FKTN: variants seen among roughly 807,000 people sequenced by gnomAD.
FKTN encodes the protein fukutin, also known as ribitol-5-phosphate transferase FKTN.
Under a neutral mutation model 58.6 loss-of-function variants are expected in FKTN, and 47 were observed. The observed-to-expected ratio is 0.80, with a 90% CI of 0.63 to 1.02. The LOEUF is 1.02. FKTN is among the 50% of genes least tolerant of loss of function. The probability of loss-of-function intolerance (pLI) is 0.00; values close to 1 mark genes in which losing one functional copy is unlikely to be tolerated. For missense variants in FKTN, 516 were observed against 537.3 expected (o/e 0.96, Z 0.39); for synonymous variants, 178 against 191.9 (o/e 0.93, Z 0.60).
intron 6 of FKTN, 79 bp from the exon 7 acceptor site, chr9:105,607,740 C>G: frequency 1.6e-6 from 2 of 1,257,374 alleles, no homozygotes; most frequent in Non-Finnish European, 2.3e-6. Context: ...AAGCTCTGCA[C>G]GCATTAGGTA....
At chr9:105,634,933 C>T in intron 10 of FKTN, 118 bp from the exon 11 acceptor site, 1 of 838,426 alleles carries the variant, frequency 1.2e-6, no homozygotes, top group Admixed American at 1.8e-5. Flanking sequence ...TATCCACTCT[C>T]TTCCCAAAGC....
chr9:105,575,004 A>G lies in FKTN; in HGVS notation c.-29A>G, dbSNP rs772280499. 1 of 1,231,926 alleles carries G rather than the reference A, an allele frequency of 8.1e-7. No individual in the cohort carries two copies. 76.3% of individuals were successfully genotyped at this position (1,231,926 alleles called of 1,614,324 possible). ...GATGAAAACGACTGAGATACTTTCA[A>G]AAGACAACCAAGTGAGCAGCACAGA... is the stretch of plus-strand genomic sequence containing the variant. On this transcript the variant is annotated 5_prime_UTR_variant, in exon 3 of 11. Transcript: ENST00000357998.
rs903583396 is a variant in FKTN, at chr9:105,615,526, T to C, written c.910+119T>C. The C allele has an allele frequency of 4.1e-5, 37 of 913,242 alleles. 1 individual carries two copies. In the South Asian group the frequency reaches 4.6e-4, roughly 11 times the overall value. 56.6% of individuals were successfully genotyped at this position (913,242 alleles called of 1,614,324 possible). A position where few individuals can be genotyped will look rare whatever the true frequency, so the allele number is the denominator to read the frequency against. On this transcript the variant is annotated intron_variant, in intron 8 of 10. Coordinates refer to ENST00000357998, the MANE Select transcript of FKTN (RefSeq NM_001079802.2). ...TGAAGTGTCATGTGTATAGACAGAA[T>C]AAACATGAGTGCATGCAGCAAGGAT...
chr9:105,627,200 G>A (rs1236288891), intron 10 of FKTN, among the ~76,000 whole-genome samples: 3 of 152,036 alleles, frequency 2.0e-5, no homozygotes, highest in Admixed American at 1.3e-4. Flanking sequence ...TCAAACCCCT[G>A]ACCTCAAGTA....
Position 105,636,225 on chromosome 9 carries a change from A to G in FKTN, c.*961A>G. The stretch of plus-strand genomic sequence containing the variant: ...AATATTAATAGAATTTTTTAAATAT[A>G]CTCTAATTTTTAAAACATACTCTTT... On this transcript the variant is annotated 3_prime_UTR_variant, in exon 11 of 11. Transcript: ENST00000357998. 1.2e-6 allele frequency: 1 copy of G among 869,388 alleles called. No individual in the cohort carries two copies. The highest frequency in any genetic ancestry group is 1.8e-5 in the African/African-American group (1 of 55,088). The allele number at this position is 869,388 out of a possible 1,614,324, so 53.9% of individuals were successfully genotyped here.
intron 7 of FKTN, among the ~76,000 whole-genome samples, chr9:105,608,952 A>G (rs1829408686): frequency 6.6e-6 from 1 of 152,118 alleles, no homozygotes. Context: ...TTTGTGCTTA[A>G]ACTTGACCGC....
intron 3 of FKTN, among the ~76,000 whole-genome samples, chr9:105,592,029 G>A (rs184988218): frequency 5.4e-4 from 82 of 152,344 alleles, no homozygotes; most frequent in Admixed American, 4.4e-3. Flanking sequence ...GGCACTGGGC[G>A]TAGCCCACCA....
chr9:105,563,598 T>C (rs868694844), intron 1 of FKTN, among the ~76,000 whole-genome samples: 1 of 139,410 alleles, frequency 7.2e-6, no homozygotes, highest in Non-Finnish European at 1.6e-5. Context: ...GCAGCGAGGC[T>C]GGGGGGGGGG....
rs1834200692 is a variant in FKTN at position 105,638,451 on chromosome 9, C to T, written c.*3187C>T. 24 of 985,394 alleles carry T rather than the reference C, an allele frequency of 2.4e-5. No individual in the cohort carries two copies. The highest frequency in any genetic ancestry group is 2.9e-5 in the Non-Finnish European group (24 of 829,928). The allele number at this position is 985,394 out of a possible 1,614,324, so 61.0% of individuals were successfully genotyped here. A position where few individuals can be genotyped will look rare whatever the true frequency, so the allele number is the denominator to read the frequency against. On this transcript the variant is annotated 3_prime_UTR_variant, in exon 11 of 11. Coordinates refer to ENST00000357998, the MANE Select transcript of FKTN (RefSeq NM_001079802.2). The stretch of plus-strand genomic sequence containing the variant: ...ACAGTTCACATCTGGAGACATCAGC[C>T]TTTGGTACCTAATTCTCTAAGCTCA...
chr9:105,591,601 A>G (rs1482120279), intron 3 of FKTN, among the ~76,000 whole-genome samples: 1 of 152,138 alleles, frequency 6.6e-6, no homozygotes, highest in South Asian at 2.1e-4. Context: ...AACTGCTCTC[A>G]TGGGCTGACA....
At chr9:105,566,493 A>C (rs1002027505) in intron 1 of FKTN, among the ~76,000 whole-genome samples, 8 of 152,248 alleles carry the variant, frequency 5.3e-5, no homozygotes, top group Admixed American at 4.6e-4. Flanking sequence ...ACCGAAATAC[A>C]AACTACCATC....
intron 3 of FKTN, among the ~76,000 whole-genome samples, chr9:105,590,075 C>G (rs1335908512): frequency 1.3e-5 from 2 of 152,146 alleles, no homozygotes; most frequent in Non-Finnish European, 2.9e-5. Flanking sequence ...AGCCTGGCCA[C>G]TTTGATGAGA....
chr9:105,635,516 CT>C lies in FKTN; in HGVS notation c.*256del, dbSNP rs1477130414. 8 of 1,361,028 alleles carry C rather than the reference CT, an allele frequency of 5.9e-6. No homozygotes were observed. The African/African-American group carries it at 1.2e-4, about 20-fold the overall frequency. The allele number at this position is 1,361,028 out of a possible 1,614,324, so 84.3% of individuals were successfully genotyped here. ...CAAATACCTACTTCTTTTATTCCTCCTTTTGGTAAACAACTCAATTTTCCTT... is the reference window on the plus strand; with the variant it reads ...CAAATACCTACTTCTTTTATTCCTCCTTTGGTAAACAACTCAATTTTCCTT... On this transcript the variant is annotated 3_prime_UTR_variant, in exon 11 of 11. Coordinates refer to ENST00000357998, the MANE Select transcript of FKTN (RefSeq NM_001079802.2).
chr9:105,639,954 C>T lies in FKTN; in HGVS notation c.*4690C>T. 1 of 1,483,236 alleles carries T rather than the reference C, an allele frequency of 6.7e-7. No individual in the cohort carries two copies. Among genetic ancestry groups the T allele is most frequent in the Non-Finnish European group, 8.9e-7 (1 of 1,120,836 alleles). 91.9% of individuals were successfully genotyped at this position (1,483,236 alleles called of 1,614,324 possible). A position where few individuals can be genotyped will look rare whatever the true frequency, so the allele number is the denominator to read the frequency against. ...CTTGTTAGTGAAATTAGATATAAGC[C>T]ATGATTTGGAGAGGGAAGAAATCTG... On this transcript the variant is annotated 3_prime_UTR_variant, in exon 11 of 11. Coordinates refer to ENST00000357998, the MANE Select transcript of FKTN (RefSeq NM_001079802.2).
intron 4 of FKTN, chr9:105,598,148 G>A (rs953981025): frequency 2.4e-5 from 11 of 468,040 alleles, no homozygotes; most frequent in Admixed American, 4.7e-5. Flanking sequence ...TCCACGGTAC[G>A]CAAGCAAAAA....
chr9:105,609,069 C>A (rs1297406647), intron 7 of FKTN, among the ~76,000 whole-genome samples: 6 of 152,168 alleles, frequency 3.9e-5, no homozygotes, highest in African/African-American at 1.4e-4. Flanking sequence ...TTATGAACTT[C>A]TTGATAACAG....
intron 3 of FKTN, among the ~76,000 whole-genome samples, chr9:105,588,594 C>A (rs1211902914): frequency 6.6e-6 from 1 of 152,166 alleles, no homozygotes; most frequent in East Asian, 1.9e-4. Flanking sequence ...AATAACAATA[C>A]ATGTTACCTC....
intron 1 of FKTN, among the ~76,000 whole-genome samples, chr9:105,559,236 ATTTAATTCTTCTAG>A (rs1342869427): frequency 1.3e-5 from 2 of 152,210 alleles, no homozygotes; most frequent in African/African-American, 4.8e-5. Flanking sequence ...CTTGGCTGTC[ATTTAATTCTTCTAG>A]AGCCTATTCT....
In FKTN at chr9:105,620,076, A is replaced by G. The variant is rs776723808; in HGVS notation, c.1172+15A>G. On this transcript the variant is annotated intron_variant, in intron 10 of 10. Transcript: ENST00000357998. ...AAAAAATTCAAGTATGAATCAAATA[A>G]GTACTTATTTATAAAGGTACTACAG... 3 of 1,601,230 alleles carry G rather than the reference A, an allele frequency of 1.9e-6. No individual in the cohort carries two copies. The highest frequency in any genetic ancestry group is 2.6e-6 in the Non-Finnish European group (3 of 1,168,934).
Sources: allele counts gnomAD v4.1 joint callset (sites outside exome capture counted in the v4.1 genomes callset), GRCh38; gene constraint gnomAD v4.1.1; transcripts MANE v1.5; gene names NCBI Gene and HGNC (gene_info 2026-07-23, HGNC 2026-07-21).